Variants in PCDH15 observed in about 807,000 individuals in gnomAD.
PCDH15 encodes the protein protocadherin-15.
In PCDH15, 129 loss-of-function variants were observed where a neutral mutation model predicts 178.5. The observed-to-expected ratio is 0.72, with a 90% CI of 0.63 to 0.84. The LOEUF (loss-of-function observed/expected upper bound fraction) is 0.84. PCDH15 is among the 40% of genes least tolerant of loss of function. The pLI is 0.00. For missense variants in PCDH15, 2,230 were observed against 2,099.9 expected (o/e 1.06, Z -1.21); for synonymous variants, 800 against 732.0 (o/e 1.09, Z -1.50).
At chr10:53,816,731 G>A (rs938099599) in intron 34 of PCDH15, among the ~76,000 whole-genome samples, 1 of 152,052 alleles carries the variant, frequency 6.6e-6, no homozygotes. Context: ...CACACAAAAC[G>A]ATAAAGTTGT....
At chr10:54,752,890 TATAGAA>T (rs1946542252) in intron 1 of PCDH15, among the ~76,000 whole-genome samples, 1 of 151,980 alleles carries the variant, frequency 6.6e-6, no homozygotes, top group Admixed American at 6.6e-5. Flanking sequence ...CAGACAGTCT[TATAGAA>T]ATAAAGTCAC....
intron 1 of PCDH15, among the ~76,000 whole-genome samples, chr10:54,715,338 G>A (rs973040976): frequency 6.6e-6 from 1 of 152,152 alleles, no homozygotes; most frequent in South Asian, 2.1e-4. Flanking sequence ...TCCCCCAAGT[G>A]TAGATTGGTC....
At chr10:54,036,231 C>T (rs148580349) in intron 18 of PCDH15, among the ~76,000 whole-genome samples, 138 of 152,072 alleles carry the variant, frequency 9.1e-4, no homozygotes, top group African/African-American at 3.1e-3. Context: ...AGGGTGGCTA[C>T]GCTAAAAAAA....
intron 2 of PCDH15, among the ~76,000 whole-genome samples, chr10:54,913,752 G>T (rs541607848): frequency 1.3e-5 from 2 of 152,174 alleles, no homozygotes; most frequent in South Asian, 4.1e-4. Flanking sequence ...TTCCTTGGGA[G>T]CCCACCCCTT....
chr10:54,764,527 A>G (rs962063455), intron 1 of PCDH15, among the ~76,000 whole-genome samples: 8 of 152,164 alleles, frequency 5.3e-5, no homozygotes, highest in African/African-American at 1.4e-4. Flanking sequence ...TTATTGCTGC[A>G]TAAAATACCT....
Position 54,102,135 on chromosome 10 carries a change from G to A in PCDH15, c.1918-12072C>T, listed in dbSNP as rs138109697. On this transcript the variant is annotated intron_variant, in intron 15 of 37. Transcript: ENST00000644397. The stretch of plus-strand genomic sequence containing the variant: ...AAACTGTTCTTAGTGAGTTCACTAA[G>A]AACAGCCTGTCTTTCTCCCTTTCCA... Among the ~76,000 whole-genome samples, 652 of 152,232 alleles carry A rather than the reference G, an allele frequency of 4.3e-3. 7 individuals are homozygous for A. Among genetic ancestry groups the A allele is most frequent in the African/African-American group, 0.015 (624 of 41,534 alleles).
chr10:54,327,426 A>C (rs1439510376), intron 7 of PCDH15, among the ~76,000 whole-genome samples: 1 of 149,272 alleles, frequency 6.7e-6, no homozygotes, highest in African/African-American at 2.4e-5. Context: ...CATAATACAT[A>C]TAACATCTTA....
intron 3 of PCDH15, among the ~76,000 whole-genome samples, chr10:54,830,042 CA>C (rs1179273161): frequency 6.6e-6 from 1 of 151,984 alleles, no homozygotes; most frequent in African/African-American, 2.4e-5. Flanking sequence ...TCAGATTATC[CA>C]ATTCTATTAC....
intron 2 of PCDH15, among the ~76,000 whole-genome samples, chr10:55,500,802 T>A (rs1840640488): frequency 1.3e-5 from 2 of 151,808 alleles, no homozygotes; most frequent in Non-Finnish European, 2.9e-5. Context: ...AAATTTTGCT[T>A]CTATGACTTT....
rs533535574 is a variant in PCDH15 at position 54,329,446 on chromosome 10, A to G, written c.705+150T>C. The G allele has an allele frequency of 5.8e-4, 360 of 621,906 alleles. 2 individuals carry two copies. Among genetic ancestry groups the G allele is most frequent in the South Asian group, 2.5e-3 (132 of 52,042 alleles). The allele number at this position is 621,906 out of a possible 1,614,324, so 38.5% of individuals were successfully genotyped here. On this transcript the variant is annotated intron_variant, in intron 7 of 37. Coordinates refer to ENST00000644397, the MANE Select transcript of PCDH15 (RefSeq NM_001384140.1). ...ACCTATTCTATCCCTTTCTCCATCT[A>G]TAAGAGTATTATATATAAACACCAA... is the stretch of plus-strand genomic sequence containing the variant.
intron 21 of PCDH15, among the ~76,000 whole-genome samples, chr10:53,985,576 T>C (rs959818016): frequency 2.0e-5 from 3 of 152,038 alleles, no homozygotes; most frequent in Non-Finnish European, 2.9e-5. Context: ...ACAATGGTAG[T>C]GTAGTCAAAG....
intron 2 of PCDH15, among the ~76,000 whole-genome samples, chr10:54,900,177 T>C (rs1954616694): frequency 6.6e-6 from 1 of 152,188 alleles, no homozygotes. Flanking sequence ...AACTGGAATA[T>C]ATCAGTAAAC....
At chr10:53,836,771 A>AT (rs1405616866) in intron 29 of PCDH15, among the ~76,000 whole-genome samples, 1 of 152,146 alleles carries the variant, frequency 6.6e-6, no homozygotes, top group Non-Finnish European at 1.5e-5. Context: ...TAAAACAACC[A>AT]TTTTCAAGAA....
chr10:54,278,539 T>C (rs957003394), intron 8 of PCDH15, among the ~76,000 whole-genome samples: 1 of 151,512 alleles, frequency 6.6e-6, no homozygotes, highest in Non-Finnish European at 1.5e-5. Flanking sequence ...TGATGGTAAA[T>C]TAGCAGTCCA....
chr10:54,063,100 T>A (rs1422222936), intron 18 of PCDH15, among the ~76,000 whole-genome samples: 1 of 152,206 alleles, frequency 6.6e-6, no homozygotes, highest in Non-Finnish European at 1.5e-5. Flanking sequence ...TTATTACAAT[T>A]GCCTCCTACT....
chr10:54,538,903 A>G (rs1238035520), intron 2 of PCDH15, among the ~76,000 whole-genome samples: 2 of 152,062 alleles, frequency 1.3e-5, no homozygotes, highest in Non-Finnish European at 1.5e-5. Context: ...TGCTTTGTCT[A>G]TTTGGGTTCT....
chr10:55,293,169 G>C (rs1312112462), intron 1 of PCDH15, among the ~76,000 whole-genome samples: 1 of 152,154 alleles, frequency 6.6e-6, no homozygotes, highest in Non-Finnish European at 1.5e-5. Flanking sequence ...GCCAAGGCTT[G>C]GGTTTTGCAC....
intron 1 of PCDH15, among the ~76,000 whole-genome samples, chr10:54,728,597 T>C (rs1020077531): frequency 6.6e-6 from 1 of 151,168 alleles, no homozygotes; most frequent in Admixed American, 6.6e-5. Context: ...AGAGGCATAA[T>C]GCAAGAGGAA....
intron 8 of PCDH15, among the ~76,000 whole-genome samples, chr10:54,251,820 A>G (rs1449953363): frequency 6.6e-6 from 1 of 151,932 alleles, no homozygotes; most frequent in Non-Finnish European, 1.5e-5. Context: ...CAGTTTAATT[A>G]TTTCATTTTT....
Sources: allele counts gnomAD v4.1 joint callset (sites outside exome capture counted in the v4.1 genomes callset), GRCh38; gene constraint gnomAD v4.1.1; transcripts MANE v1.5; gene names NCBI Gene and HGNC (gene_info 2026-07-23, HGNC 2026-07-21).